The following FAM13C variants were observed in gnomAD, a reference collection of about 807,000 sequenced individuals.
FAM13C encodes protein FAM13C.
Under a neutral mutation model 73.2 loss-of-function variants are expected in FAM13C, and 37 were observed. The observed-to-expected ratio is 0.51, with a 90% CI of 0.39 to 0.67. The LOEUF (loss-of-function observed/expected upper bound fraction) is 0.67. Ranked by LOEUF, FAM13C falls within the 30% of genes least tolerant of loss-of-function variation. FAM13C has a pLI of 0.00. For missense variants in FAM13C, 589 were observed against 715.6 expected (o/e 0.82, Z 2.02); for synonymous variants, 246 against 260.9 (o/e 0.94, Z 0.55).
intron 3 of FAM13C, among the ~76,000 whole-genome samples, chr10:59,346,581 G>A (rs1322609774): frequency 6.6e-6 from 1 of 152,152 alleles, no homozygotes; most frequent in East Asian, 1.9e-4. Context: ...ATAGCCACCA[G>A]AGGGGAGGGC....
chr10:59,261,953 G>A (rs776140432), intron 10 of FAM13C, among the ~76,000 whole-genome samples: 5 of 151,966 alleles, frequency 3.3e-5, no homozygotes, highest in Non-Finnish European at 7.4e-5. Flanking sequence ...CTGAAGACTT[G>A]TATTTCAACT....
intron 3 of FAM13C, chr10:59,327,679 C>T (rs1851362087): frequency 6.6e-6 from 1 of 151,156 alleles, no homozygotes; most frequent in Non-Finnish European, 1.5e-5. Context: ...ACATTCGGCT[C>T]AAAAATTGTA....
intron 7 of FAM13C, among the ~76,000 whole-genome samples, chr10:59,269,136 C>A (rs1351099767): frequency 1.3e-5 from 2 of 151,916 alleles, no homozygotes; most frequent in South Asian, 2.1e-4. Context: ...TGCATACACC[C>A]CCTCACATAA....
chr10:59,262,720 T>TC (rs2133466384), intron 9 of FAM13C, 75 bp from the exon 10 acceptor site: 1 of 1,301,220 alleles, frequency 7.7e-7, no homozygotes, highest in East Asian at 2.3e-5. Flanking sequence ...TTTCAGGAAT[T>TC]CCTTCCCCTG....
chr10:59,344,556 A>G (rs7912392), intron 3 of FAM13C, among the ~76,000 whole-genome samples: 81,476 of 151,798 alleles, frequency 0.54, 23,160 homozygotes, highest in Middle Eastern at 0.63. Context: ...TGCTGGGATT[A>G]CAGGCTTGAG....
At position 59,298,273 on chromosome 10, in the gene FAM13C, T is replaced by C. The variant is rs145652266; in HGVS notation, c.507+4528A>G. On this transcript the variant is annotated intron_variant, in intron 5 of 13. Transcript: ENST00000618804. Reference sequence around the variant, plus strand: ...CATGTAAGGCCACCAAAGCTTCTCCTTCAAGGTCAATTGGCTTGTGGCTGA... The same window carrying C: ...CATGTAAGGCCACCAAAGCTTCTCCCTCAAGGTCAATTGGCTTGTGGCTGA... 6.1e-3 allele frequency among the ~76,000 whole-genome samples: 928 copies of C among 152,334 alleles called. 6 individuals carry two copies. The highest frequency in any genetic ancestry group is 0.021 in the African/African-American group (893 of 41,570).
At chr10:59,356,949 T>C (rs550700405) in intron 1 of FAM13C, among the ~76,000 whole-genome samples, 15 of 152,318 alleles carry the variant, frequency 9.8e-5, no homozygotes, top group African/African-American at 3.1e-4. Flanking sequence ...TTGTGCTGGA[T>C]GCTTCCAGCC....
chr10:59,357,461 C>T (rs533031739), intron 1 of FAM13C, among the ~76,000 whole-genome samples: 2 of 152,268 alleles, frequency 1.3e-5, no homozygotes, highest in East Asian at 3.9e-4. Context: ...GTCAAAAATA[C>T]TTGAATTGAA....
At chr10:59,275,133 T>C (rs999416999) in intron 6 of FAM13C, among the ~76,000 whole-genome samples, 4 of 152,170 alleles carry the variant, frequency 2.6e-5, no homozygotes, top group Non-Finnish European at 5.9e-5. Flanking sequence ...GGGAGAATAT[T>C]TGGGGAACAT....
rs760701657 is a variant in FAM13C at position 59,252,884 on chromosome 10, C to T, written c.1447G>A (p.Glu483Lys). The change falls in exon 12 of 14, where the codon GAG (glutamate) becomes AAG (lysine). Residue 483 changes from glutamate to lysine, a missense_variant. Physicochemically the swap from Glu to Lys is moderately conservative, Grantham distance 56. Coordinates refer to ENST00000618804, the MANE Select transcript of FAM13C (RefSeq NM_198215.4). Reference protein sequence around the residue: ...GDHLTYSNETEPVRALLPDEK... With the variant: ...GDHLTYSNETKPVRALLPDEK... ...TCTGGTAAAAGGGCCCTAACAGGCT[C>T]AGTCTCATTAGAGTAGGTGAGGTGG... The T allele has an allele frequency of 3.2e-5, 52 of 1,614,002 alleles. No individual in the cohort carries two copies. The highest frequency in any genetic ancestry group is 3.6e-5 in the Non-Finnish European group (43 of 1,180,022).
chr10:59,343,757 C>T (rs185340507), intron 3 of FAM13C, among the ~76,000 whole-genome samples: 3 of 152,262 alleles, frequency 2.0e-5, no homozygotes, highest in Admixed American at 2.0e-4. Flanking sequence ...TGAACAGACA[C>T]CTACTGGTGA....
intron 5 of FAM13C, among the ~76,000 whole-genome samples, chr10:59,302,195 T>C (rs893594341): frequency 1.3e-5 from 2 of 152,212 alleles, no homozygotes; most frequent in Non-Finnish European, 2.9e-5. Flanking sequence ...ACAATGGCAT[T>C]CATTATAATA....
At chr10:59,346,495 T>C (rs1341695641) in intron 3 of FAM13C, among the ~76,000 whole-genome samples, 1 of 152,200 alleles carries the variant, frequency 6.6e-6, no homozygotes, top group African/African-American at 2.4e-5. Context: ...AGGAAGTGGA[T>C]TAGCAGTATG....
At chr10:59,251,760 A>C (rs1589334725) in intron 12 of FAM13C, 84 bp from the exon 13 acceptor site, 2 of 1,040,998 alleles carry the variant, frequency 1.9e-6, no homozygotes, top group Non-Finnish European at 1.4e-6. Context: ...TTCAGCCAAA[A>C]AAGCATCTAT....
At chr10:59,311,585 T>G (rs1848925206) in intron 4 of FAM13C, among the ~76,000 whole-genome samples, 1 of 152,164 alleles carries the variant, frequency 6.6e-6, no homozygotes, top group African/African-American at 2.4e-5. Context: ...ATACTTCAGC[T>G]CCAAGGACAC....
intron 5 of FAM13C, among the ~76,000 whole-genome samples, chr10:59,289,912 C>T (rs924141208): frequency 6.6e-6 from 1 of 152,100 alleles, no homozygotes; most frequent in Admixed American, 6.5e-5. Flanking sequence ...ACTGCTAGTG[C>T]TTTTCCTGGT....
At chr10:59,344,187 T>C (rs374458466) in intron 3 of FAM13C, among the ~76,000 whole-genome samples, 180 of 150,952 alleles carry the variant, frequency 1.2e-3, no homozygotes, top group Middle Eastern at 0.01. Flanking sequence ...TGGTCTCGAT[T>C]TCCTGACCTC....
chr10:59,347,394 C>G (rs1490647908), intron 3 of FAM13C, among the ~76,000 whole-genome samples: 1 of 152,146 alleles, frequency 6.6e-6, no homozygotes, highest in Non-Finnish European at 1.5e-5. Flanking sequence ...AAATTTGAAT[C>G]TGATCCTCCA....
chr10:59,246,709 C>G lies in FAM13C; in HGVS notation c.*905G>C. The stretch of plus-strand genomic sequence containing the variant: ...TGTACAGAAGGATGAATAACTACAG[C>G]TCATGGGAAATGTTTTGACTTTACA... On this transcript the variant is annotated 3_prime_UTR_variant, in exon 14 of 14. Transcript: ENST00000618804. 1 of 397,250 alleles carries G rather than the reference C, an allele frequency of 2.5e-6. No individual in the cohort carries two copies. Among genetic ancestry groups the G allele is most frequent in the Non-Finnish European group, 4.4e-6 (1 of 225,172 alleles). The allele number at this position is 397,250 out of a possible 1,614,324, so 24.6% of individuals were successfully genotyped here.
Sources: allele counts gnomAD v4.1 joint callset (sites outside exome capture counted in the v4.1 genomes callset), GRCh38; gene constraint gnomAD v4.1.1; transcripts MANE v1.5; gene names NCBI Gene and HGNC (gene_info 2026-07-23, HGNC 2026-07-21).